Variants in FMO1 observed in about 807,000 individuals in gnomAD.
FMO1 encodes flavin containing dimethylaniline monoxygenase 1, also known as flavin-containing monooxygenase 1.
A neutral mutation model predicts 45.4 loss-of-function variants in FMO1; 36 were observed. The observed-to-expected ratio is 0.79, with a 90% CI of 0.61 to 1.05. The LOEUF (loss-of-function observed/expected upper bound fraction) is 1.05, where lower values mean the gene tolerates loss of function less well. FMO1 is among the 50% of genes least tolerant of loss of function. The pLI, the probability that FMO1 is intolerant of heterozygous loss-of-function variation, is 0.00. For synonymous variants in FMO1, 228 were observed against 227.2 expected, an observed-to-expected ratio of 1.00 and a Z score of -0.03; for missense variants, 615 against 640.3, an observed-to-expected ratio of 0.96 and a Z score of 0.43.
intron 5 of FMO1, 31 bp from the exon 6 acceptor site, chr1:171,280,755 C>T: frequency 6.3e-7 from 1 of 1,592,952 alleles, no homozygotes; most frequent in Non-Finnish European, 8.6e-7. Flanking sequence ...TTCACAGTGT[C>T]AAATGAAGGG....
intron 6 of FMO1, 137 bp downstream of exon 6, chr1:171,281,122 A>G (rs1440164984): frequency 1.2e-5 from 8 of 670,710 alleles, no homozygotes; most frequent in Non-Finnish European, 2.1e-5. Flanking sequence ...CTTGATAATA[A>G]CAGCTAACTG....
chr1:171,275,201 T>C (rs1199112223), intron 3 of FMO1, 145 bp from the exon 4 acceptor site: 2 of 578,636 alleles, frequency 3.5e-6, no homozygotes, highest in East Asian at 3.1e-5. Context: ...ATTAGTCCGG[T>C]AACCTGATTA....
chr1:171,278,615 T>C (rs944938834), intron 4 of FMO1, 114 bp from the exon 5 acceptor site: 31 of 704,138 alleles, frequency 4.4e-5, no homozygotes, highest in Non-Finnish European at 6.5e-5. Context: ...TTGAGAATAC[T>C]AGTAAAAATG....
intron 1 of FMO1, among the ~76,000 whole-genome samples, chr1:171,255,463 C>A (rs1184264605): frequency 6.6e-6 from 1 of 152,218 alleles, no homozygotes; most frequent in Non-Finnish European, 1.5e-5. Context: ...AGCTGTACTT[C>A]CCTCTGCTCC....
Position 171,267,569 on chromosome 1 carries a change from T to A in FMO1, c.159T>A (p.Ser53Arg). ...FTEHVEEGRASLYKSVVSNSC... is the reference protein window; with the variant it reads ...FTEHVEEGRARLYKSVVSNSC... Reference sequence around the variant, plus strand: ...AACATGTTGAAGAAGGCAGAGCCAGTCTCTACAAGTCTGTGGTTTCCAACA... The same window carrying A: ...AACATGTTGAAGAAGGCAGAGCCAGACTCTACAAGTCTGTGGTTTCCAACA... Residue 53 changes from serine (S) to arginine (R), a missense_variant, in exon 3 of 9, where the codon AGT becomes AGA. By Grantham distance (110) the Ser-to-Arg change is moderately radical. Transcript: ENST00000617670. 1.2e-6 allele frequency: 2 copies of A among 1,609,908 alleles called. No individual in the cohort carries two copies. The highest frequency in any genetic ancestry group is 4.5e-5 in the East Asian group (2 of 44,866).
At position 171,280,857 on chromosome 1, in the gene FMO1, G is replaced by C; in HGVS notation, c.699G>C (p.Met233Ile). Reference sequence around the variant, plus strand: ...TTGACTCGGGCTACCCATGGGACATGGTGTTCATGACACGCTTTCAGAACA... The same window carrying C: ...TTGACTCGGGCTACCCATGGGACATCGTGTTCATGACACGCTTTCAGAACA... ...RIFDSGYPWD[M>I]VFMTRFQNML... Residue 233 changes from methionine (M) to isoleucine (I), a missense_variant, in exon 6 of 9, where the codon ATG becomes ATC. Transcript: ENST00000617670. 1 of 1,613,890 alleles carries C rather than the reference G, an allele frequency of 6.2e-7. No individual in the cohort carries two copies. The highest frequency in any genetic ancestry group is 8.5e-7 in the Non-Finnish European group (1 of 1,179,870).
intron 1 of FMO1, among the ~76,000 whole-genome samples, chr1:171,254,985 C>T (rs139024302): frequency 6.6e-6 from 1 of 152,298 alleles, no homozygotes; most frequent in African/African-American, 2.4e-5. Context: ...CTAGAGAAAG[C>T]GTCATGCCTT....
In FMO1 at chr1:171,282,257, T is replaced by C. The variant is rs745436342; in HGVS notation, c.1107T>C (p.Ile369=). 2.7e-5 allele frequency: 44 copies of C among 1,613,838 alleles called. No individual in the cohort carries two copies. The highest frequency in any genetic ancestry group is 1.5e-4 in the Admixed American group (9 of 59,978). ...TGCAAAAGCCAACCCTGGCCATTAT[T>C]GGCCTCATCAAACCCTTGGGCTCCA... is the stretch of plus-strand genomic sequence containing the variant. ...AHLQKPTLAI[I]GLIKPLGSMI... is the part of the protein sequence containing the mutation. The change falls in exon 7 of 9, where the codon ATT becomes ATC. Residue 369 remains isoleucine, a synonymous_variant. Coordinates refer to ENST00000617670, the MANE Select transcript of FMO1 (RefSeq NM_001282693.2).
At chr1:171,269,442 G>T (rs969667029) in intron 3 of FMO1, among the ~76,000 whole-genome samples, 2 of 152,108 alleles carry the variant, frequency 1.3e-5, no homozygotes, top group East Asian at 1.9e-4. Flanking sequence ...CTCTTGTTTG[G>T]TTTTTTGTTT....
chr1:171,272,723 C>T lies in FMO1; in HGVS notation c.322-2623C>T, dbSNP rs191744171. Among the ~76,000 whole-genome samples, 19 of 152,316 alleles carry T rather than the reference C, an allele frequency of 1.2e-4. No homozygotes were observed. The East Asian group carries it at 3.7e-3, about 29-fold the overall frequency. ...GGGCCTGTAGCCCCTTTGTTTTGAC[C>T]AATTTCTCCCATTTGGAATGGCTGT... On this transcript the variant is annotated intron_variant, in intron 3 of 8. Coordinates refer to ENST00000617670, the MANE Select transcript of FMO1 (RefSeq NM_001282693.2).
At chr1:171,257,709 C>T (rs999168203) in intron 1 of FMO1, 6 of 247,900 alleles carry the variant, frequency 2.4e-5, no homozygotes. Context: ...GACAAGGTGA[C>T]CTTTTCCTAG....
rs1022417873 is a variant in FMO1 at position 171,281,903 on chromosome 1, A to G, written c.828-75A>G. On this transcript the variant is annotated intron_variant, in intron 6 of 8. Coordinates refer to ENST00000617670, the MANE Select transcript of FMO1 (RefSeq NM_001282693.2). ...CAAGGAGAGAGCCCCAGAATGAGAG[A>G]GGGAGGTAAAGAGAAGGGAGAGCTG... The G allele has an allele frequency of 7.7e-6, 6 of 781,142 alleles. No homozygotes were observed. The African/African-American group carries it at 1.0e-4, about 14-fold the overall frequency. The allele number at this position is 781,142 out of a possible 1,614,324, so 48.4% of individuals were successfully genotyped here. A position where few individuals can be genotyped will look rare whatever the true frequency, so the allele number is the denominator to read the frequency against.
At chr1:171,256,979 G>A (rs912351815) in intron 1 of FMO1, among the ~76,000 whole-genome samples, 1 of 152,188 alleles carries the variant, frequency 6.6e-6, no homozygotes, top group Admixed American at 6.5e-5. Flanking sequence ...TAAAAGAACA[G>A]AGGCTCATTG....
chr1:171,257,755 G>T, intron 1 of FMO1: 1 of 351,412 alleles, frequency 2.8e-6, no homozygotes, highest in South Asian at 2.4e-5. Flanking sequence ...CCACAGAATG[G>T]AGACTAGAGG....
chr1:171,248,671 G>A (rs1659737243), intron 1 of FMO1, 48 bp downstream of exon 1: 1 of 152,016 alleles, frequency 6.6e-6, no homozygotes. Flanking sequence ...AGGAAAGTGG[G>A]GTCTGGAGTT....
intron 8 of FMO1, among the ~76,000 whole-genome samples, chr1:171,283,946 C>CAA (rs1661506118): frequency 6.6e-6 from 1 of 152,122 alleles, no homozygotes; most frequent in Admixed American, 6.5e-5. Context: ...GAGCACTTCT[C>CAA]TATGGGAAAG....
intron 1 of FMO1, among the ~76,000 whole-genome samples, chr1:171,254,944 G>A (rs28384841): frequency 0.016 from 2,489 of 152,176 alleles, 74 homozygotes; most frequent in African/African-American, 0.057. Flanking sequence ...AGATTTTCAC[G>A]TCTCACTTCC....
chr1:171,285,060 G>C, intron 8 of FMO1, 142 bp from the exon 9 acceptor site: 1 of 557,106 alleles, frequency 1.8e-6, no homozygotes, highest in South Asian at 2.7e-5. Context: ...GAGACCGTTA[G>C]ATAGGTAGGG....
chr1:171,276,527 C>T (rs1396839101), intron 4 of FMO1, among the ~76,000 whole-genome samples: 1 of 152,208 alleles, frequency 6.6e-6, no homozygotes, highest in Admixed American at 6.5e-5. Context: ...CAGCCATCCA[C>T]TCCAAAATTC....
Sources: gnomAD v4.1 joint callset for allele counts (sites outside exome capture counted in the v4.1 genomes callset) on GRCh38, gnomAD v4.1.1 for gene constraint, MANE v1.5 for transcripts, NCBI Gene and HGNC (gene_info 2026-07-23, HGNC 2026-07-21) for gene names.